The following KSR1 variants were observed in gnomAD, a reference collection of about 807,000 sequenced individuals.
KSR1 encodes kinase suppressor of ras.
Under a neutral mutation model 92.9 loss-of-function variants are expected in KSR1, and 35 were observed. The observed-to-expected ratio is 0.38, with a 90% confidence interval of 0.29 to 0.50. The LOEUF is 0.50. Ranked by LOEUF, KSR1 falls within the 20% of genes least tolerant of loss-of-function variation. The probability of loss-of-function intolerance (pLI) is 0.94; values close to 1 mark genes in which losing one functional copy is unlikely to be tolerated. For missense variants in KSR1, 972 were observed against 1,158.5 expected (o/e 0.84, Z 2.34); for synonymous variants, 467 against 472.6 (o/e 0.99, Z 0.15).
chr17:27,572,874 G>T (rs73983476), intron 2 of KSR1, among the ~76,000 whole-genome samples: 1 of 152,138 alleles, frequency 6.6e-6, no homozygotes, highest in African/African-American at 2.4e-5. Context: ...AGGGCCCCTC[G>T]CAGGGGCCTT....
rs143479713 is a variant in KSR1, at chr17:27,564,278, C to A, written c.373-13214C>A. ...AGTGTTGGGATTATAGGCGTGAGCC[C>A]CCGCACCTGGCCTTCAGTAGCTATT... On this transcript the variant is annotated intron_variant, in intron 2 of 20. Coordinates refer to ENST00000644974, the MANE Select transcript of KSR1 (RefSeq NM_001394583.1). 6.4e-4 allele frequency among the ~76,000 whole-genome samples: 98 copies of A among 152,230 alleles called. 1 individual carries two copies. In the East Asian group the frequency reaches 0.018, roughly 28 times the overall value.
chr17:27,559,854 G>C lies in KSR1; in HGVS notation c.372+9146G>C, dbSNP rs1282404037. The stretch of plus-strand genomic sequence containing the variant: ...TGAGGAGGAGTCTGTGAGGAGGCTG[G>C]CGGGGAGCCGGGGTGGATTCCTGCA... On this transcript the variant is annotated intron_variant, in intron 2 of 20. Coordinates refer to ENST00000644974, the MANE Select transcript of KSR1 (RefSeq NM_001394583.1). The surrounding 1 kb of genome is among the most constrained non-coding windows in gnomAD (Gnocchi z 4.2). Among the ~76,000 whole-genome samples, 16 of 152,256 alleles carry C rather than the reference G, an allele frequency of 1.1e-4. No homozygotes were observed. Among genetic ancestry groups the C allele is most frequent in the Non-Finnish European group, 2.1e-4 (14 of 68,042 alleles).
chr17:27,598,861 C>A (rs958213619), intron 10 of KSR1, among the ~76,000 whole-genome samples: 2 of 152,210 alleles, frequency 1.3e-5, no homozygotes, highest in African/African-American at 2.4e-5. Flanking sequence ...AACCCTCCCC[C>A]CAACCCCCAC....
At position 27,582,842 on chromosome 17, in the gene KSR1, C is replaced by A. The variant is rs567845159; in HGVS notation, c.717C>A (p.Pro239=). Residue 239 remains proline (P), a synonymous_variant, in exon 4 of 21, where the codon CCC becomes CCA. Coordinates refer to ENST00000644974, the MANE Select transcript of KSR1 (RefSeq NM_001394583.1). ...SVSALPASDS[P]TPSFSEGLSD... ...CAGCTCTGCCCGCCTCAGACTCCCC[C>A]ACCCCCAGCTTCAGTGAGGGCCTCT... is the stretch of plus-strand genomic sequence containing the variant. 1.2e-6 allele frequency: 2 copies of A among 1,613,590 alleles called. No individual in the cohort carries two copies. The highest frequency in any genetic ancestry group is 1.7e-6 in the Non-Finnish European group (2 of 1,179,712).
intron 1 of KSR1, among the ~76,000 whole-genome samples, chr17:27,496,928 T>C (rs923115636): frequency 6.6e-6 from 1 of 152,226 alleles, no homozygotes; most frequent in Non-Finnish European, 1.5e-5. Context: ...ACTCTGAGGT[T>C]CAGCTTTCAT....
intron 11 of KSR1, 67 bp downstream of exon 11, chr17:27,601,468 C>G: frequency 7.2e-7 from 1 of 1,386,208 alleles, no homozygotes; most frequent in Non-Finnish European, 1.0e-6. Context: ...CCCACCTGGG[C>G]AGGGCGCCCT....
At chr17:27,608,149 G>T in intron 15 of KSR1, 139 bp downstream of exon 15, 1 of 628,296 alleles carries the variant, frequency 1.6e-6, no homozygotes. Flanking sequence ...CTCAAGGGTG[G>T]GACCCCATCT....
At chr17:27,458,406 C>G (rs976140766) in intron 1 of KSR1, among the ~76,000 whole-genome samples, 9 of 152,176 alleles carry the variant, frequency 5.9e-5, no homozygotes, top group African/African-American at 2.2e-4. Context: ...GGAGAATGCT[C>G]TCTGTGTTGG....
intron 2 of KSR1, among the ~76,000 whole-genome samples, chr17:27,576,130 C>A (rs931746572): frequency 6.6e-6 from 1 of 152,216 alleles, no homozygotes; most frequent in African/African-American, 2.4e-5. Context: ...TTTCACGCTT[C>A]AGGTCTCTTG....
chr17:27,610,344 CTTG>C, intron 17 of KSR1, 146 bp downstream of exon 17: 2 of 1,071,484 alleles, frequency 1.9e-6, no homozygotes, highest in Non-Finnish European at 2.7e-6. Context: ...GGCTCTGCCG[CTTG>C]TTGAGTGCAT....
intron 1 of KSR1, among the ~76,000 whole-genome samples, chr17:27,539,061 A>G (rs1375411678): frequency 6.6e-6 from 1 of 152,198 alleles, no homozygotes; most frequent in Non-Finnish European, 1.5e-5. Context: ...AAGGATAGGT[A>G]AGGGGTTTGG....
chr17:27,592,604 T>A lies in KSR1; in HGVS notation c.1277T>A (p.Leu426His). The change falls in exon 9 of 21, where the codon CTC (leucine) becomes CAC (histidine). Residue 426 changes from leucine to histidine, a missense_variant. Physicochemically the swap from Leu to His is moderately conservative, Grantham distance 99. This residue lies in a region of KSR1 where 611 missense variants were observed against 668.0 expected (regional missense o/e 0.91). Coordinates refer to ENST00000644974, the MANE Select transcript of KSR1 (RefSeq NM_001394583.1). Reference protein sequence around the residue: ...DRAAEPHFGTLPKALTKKEHP... With the variant: ...DRAAEPHFGTHPKALTKKEHP... ...GCAGCCGAACCCCATTTTGGAACCC[T>A]CCCCAAAGCACTGACAAAGAAGGTA... The A allele has an allele frequency of 6.2e-7, 1 of 1,613,754 alleles. No individual in the cohort carries two copies. Among genetic ancestry groups the A allele is most frequent in the South Asian group, 1.1e-5 (1 of 91,058 alleles).
intron 1 of KSR1, among the ~76,000 whole-genome samples, chr17:27,524,000 T>G (rs1169613188): frequency 6.6e-6 from 1 of 152,074 alleles, no homozygotes; most frequent in East Asian, 1.9e-4. Flanking sequence ...AGGCCACCAC[T>G]AGATGATGAA....
At chr17:27,611,304 G>C in intron 17 of KSR1, 190 bp from the exon 18 acceptor site, 1 of 637,816 alleles carries the variant, frequency 1.6e-6, no homozygotes, top group Admixed American at 3.0e-5. Context: ...CCCAACGAGA[G>C]CACAGGGCCC....
At chr17:27,537,108 C>G (rs969254302) in intron 1 of KSR1, among the ~76,000 whole-genome samples, 1 of 152,184 alleles carries the variant, frequency 6.6e-6, no homozygotes, top group African/African-American at 2.4e-5. Flanking sequence ...GCCTGCTTTA[C>G]CCCCACCCTT....
intron 1 of KSR1, among the ~76,000 whole-genome samples, chr17:27,532,980 G>C (rs2070606357): frequency 6.6e-6 from 1 of 152,224 alleles, no homozygotes; most frequent in Non-Finnish European, 1.5e-5. Context: ...GTGACGTTGG[G>C]TTGGCTTCCT....
At position 27,592,407 on chromosome 17, in the gene KSR1, A is replaced by C. The variant is rs1177330615; in HGVS notation, c.1177A>C (p.Ile393Leu). The C allele has an allele frequency of 6.2e-7, 1 of 1,613,798 alleles. No individual in the cohort carries two copies. The highest frequency in any genetic ancestry group is 1.3e-5 in the African/African-American group (1 of 74,888). ...KCTKEAPACR[I>L]SFLPLTRLRR... ...TACCAAAGAAGCCCCTGCCTGTAGA[A>C]TATCCTTCCTGCCACGTGAGTTTTC... The change falls in exon 8 of 21, where the codon ATA becomes CTA. Residue 393 changes from isoleucine (I) to leucine (L), a missense_variant. Coordinates refer to ENST00000644974, the MANE Select transcript of KSR1 (RefSeq NM_001394583.1).
chr17:27,469,707 G>A (rs1017280067), intron 1 of KSR1, among the ~76,000 whole-genome samples: 1 of 152,070 alleles, frequency 6.6e-6, no homozygotes, highest in Non-Finnish European at 1.5e-5. Context: ...ACTGTCCCCC[G>A]CCTTTCACGT....
intron 1 of KSR1, among the ~76,000 whole-genome samples, chr17:27,508,774 G>C (rs2069490307): frequency 6.6e-6 from 1 of 151,062 alleles, no homozygotes; most frequent in Non-Finnish European, 1.5e-5. Context: ...CTGTTGCCCA[G>C]GCTGGAGTGC....
Sources: gnomAD v4.1 joint callset for allele counts (sites outside exome capture counted in the v4.1 genomes callset) on GRCh38, gnomAD v4.1.1 for gene constraint, gnomAD v4.1.1 regional missense constraint, Gnocchi (gnomAD v3.1) non-coding constraint, MANE v1.5 for transcripts, NCBI Gene and HGNC (gene_info 2026-07-23, HGNC 2026-07-21) for gene names.